Variants in PPM1H observed in about 807,000 individuals in gnomAD.
PPM1H encodes protein phosphatase, Mg2+/Mn2+ dependent 1H.
Under a neutral mutation model 54.9 loss-of-function variants are expected in PPM1H, and 27 were observed. That is an observed-to-expected ratio of 0.49 (90% CI 0.36 to 0.68). The LOEUF is 0.68. PPM1H is among the 30% of genes least tolerant of loss of function. The pLI, the probability that PPM1H is intolerant of heterozygous loss-of-function variation, is 0.00. For synonymous variants in PPM1H, 305 were observed against 270.8 expected (o/e 1.13, Z -1.24); for missense variants, 596 against 667.8 (o/e 0.89, Z 1.19).
intron 5 of PPM1H, among the ~76,000 whole-genome samples, chr12:62,725,410 AGAG>A (rs1457263280): frequency 2.6e-5 from 4 of 152,198 alleles, no homozygotes; most frequent in Admixed American, 6.5e-5. Flanking sequence ...CCCCATATCC[AGAG>A]GAAAGAAACA....
intron 2 of PPM1H, among the ~76,000 whole-genome samples, chr12:62,813,341 G>A (rs11174669): frequency 0.066 from 9,975 of 152,254 alleles, 441 homozygotes; most frequent in Middle Eastern, 0.12. Flanking sequence ...ACATGAATGT[G>A]AGGGGGAATT....
At chr12:62,716,371 G>A (rs2076234607) in intron 6 of PPM1H, among the ~76,000 whole-genome samples, 2 of 152,110 alleles carry the variant, frequency 1.3e-5, no homozygotes, top group South Asian at 2.1e-4. Context: ...TAAGCGTTAG[G>A]TATGAGGAAT....
chr12:62,763,155 C>A (rs1432099049), intron 4 of PPM1H, among the ~76,000 whole-genome samples: 1 of 152,162 alleles, frequency 6.6e-6, no homozygotes, highest in East Asian at 1.9e-4. Context: ...AGCAAATGGT[C>A]TTTTCAGGTC....
At chr12:62,772,142 C>G (rs547371676) in intron 4 of PPM1H, among the ~76,000 whole-genome samples, 9 of 152,318 alleles carry the variant, frequency 5.9e-5, no homozygotes, top group African/African-American at 2.2e-4. Flanking sequence ...TTAATAATGA[C>G]AATAGCTAAC....
intron 4 of PPM1H, among the ~76,000 whole-genome samples, chr12:62,759,212 G>T (rs60906733): frequency 6.6e-6 from 1 of 152,166 alleles, no homozygotes; most frequent in Non-Finnish European, 1.5e-5. Context: ...ATTTGGTGCC[G>T]AAGACTCGGG....
intron 8 of PPM1H, among the ~76,000 whole-genome samples, chr12:62,680,232 C>T (rs1289197028): frequency 6.6e-6 from 1 of 151,880 alleles, no homozygotes; most frequent in African/African-American, 2.4e-5. Context: ...CTTTCTCTCT[C>T]TCTCTCTTTC....
In PPM1H at chr12:62,700,001, T is replaced by A. The variant is rs1276457365; in HGVS notation, c.1074-6002A>T. ...GCTTATAGTTCCTACATCAACCCCA[T>A]CCTTCTAGGCTGAGGCTCTCTCACT... is the stretch of plus-strand genomic sequence containing the variant. On this transcript the variant is annotated intron_variant, in intron 6 of 9. Transcript: ENST00000228705. 2.0e-5 allele frequency among the ~76,000 whole-genome samples: 3 copies of A among 152,198 alleles called. No homozygotes were observed. In the East Asian group the frequency reaches 5.8e-4, roughly 29 times the overall value.
intron 7 of PPM1H, 76 bp downstream of exon 7, chr12:62,693,860 G>A: frequency 7.6e-7 from 1 of 1,320,718 alleles, no homozygotes; most frequent in South Asian, 1.3e-5. Context: ...GGAACACACG[G>A]ACTGCCACGG....
At position 62,907,613 on chromosome 12, in the gene PPM1H, TTTG is replaced by T. The variant is rs200019077; in HGVS notation, c.245+26876_245+26878del. Among the ~76,000 whole-genome samples the T allele has an allele frequency of 2.2e-3, 337 of 152,346 alleles. 8 individuals carry two copies. Among genetic ancestry groups the T allele is most frequent in the Admixed American group, 0.018 (272 of 15,308 alleles). Reference sequence around the variant, plus strand: ...TAAAAATGTTCTAGTCTAAGTCTCCTTTGTTTATCCAGTAAGTACTTGTTACAC... The same window carrying T: ...TAAAAATGTTCTAGTCTAAGTCTCCTTTTATCCAGTAAGTACTTGTTACAC... On this transcript the variant is annotated intron_variant, in intron 1 of 9. Coordinates refer to ENST00000228705, the MANE Select transcript of PPM1H (RefSeq NM_020700.2).
intron 1 of PPM1H, among the ~76,000 whole-genome samples, chr12:62,838,301 C>T (rs2120879215): frequency 7.1e-6 from 1 of 141,006 alleles, no homozygotes; most frequent in East Asian, 2.1e-4. Context: ...TTATATATAA[C>T]TAGGAGGTAG....
intron 9 of PPM1H, among the ~76,000 whole-genome samples, chr12:62,652,069 A>C (rs2075819662): frequency 6.6e-6 from 1 of 152,204 alleles, no homozygotes; most frequent in South Asian, 2.1e-4. Context: ...TTTTACTTCC[A>C]AAGTGGAACA....
At chr12:62,694,036 ACTC>A (rs2076099270) in intron 6 of PPM1H, 37 bp from the exon 7 acceptor site, 1 of 1,573,142 alleles carries the variant, frequency 6.4e-7, no homozygotes, top group African/African-American at 1.3e-5. Flanking sequence ...AAAGGTTTGC[ACTC>A]AATTAGTGAC....
At chr12:62,783,171 G>A (rs143070150) in intron 4 of PPM1H, among the ~76,000 whole-genome samples, 2 of 152,234 alleles carry the variant, frequency 1.3e-5, no homozygotes, top group African/African-American at 2.4e-5. Flanking sequence ...ACTTTGGGAC[G>A]CTTGGAAGGA....
At chr12:62,799,443 A>AATTAC (rs1328124409) in intron 3 of PPM1H, among the ~76,000 whole-genome samples, 12 of 152,316 alleles carry the variant, frequency 7.9e-5, no homozygotes, top group South Asian at 4.1e-4. Flanking sequence ...ATGCAAACTG[A>AATTAC]ATTACATTAC....
At chr12:62,933,443 C>A (rs949737713) in intron 1 of PPM1H, among the ~76,000 whole-genome samples, 4 of 152,014 alleles carry the variant, frequency 2.6e-5, no homozygotes, top group Non-Finnish European at 5.9e-5. Flanking sequence ...AATCAACCAG[C>A]GAGGCCGTGC....
chr12:62,832,315 C>A, intron 1 of PPM1H, 36 bp from the exon 2 acceptor site: 1 of 1,571,198 alleles, frequency 6.4e-7, no homozygotes, highest in Non-Finnish European at 8.6e-7. Context: ...TCAGACAGAC[C>A]GATAAAGCTG....
intron 1 of PPM1H, among the ~76,000 whole-genome samples, chr12:62,931,663 T>G (rs1592676520): frequency 6.6e-6 from 1 of 152,184 alleles, no homozygotes; most frequent in South Asian, 2.1e-4. Context: ...TCAGACTGCC[T>G]GGGTTCACAC....
intron 9 of PPM1H, among the ~76,000 whole-genome samples, chr12:62,649,756 T>G (rs2075805834): frequency 6.6e-6 from 1 of 152,126 alleles, no homozygotes; most frequent in Non-Finnish European, 1.5e-5. Context: ...AGAATATCCA[T>G]CAGTTATATT....
At chr12:62,915,423 A>G (rs952613829) in intron 1 of PPM1H, among the ~76,000 whole-genome samples, 5 of 152,232 alleles carry the variant, frequency 3.3e-5, no homozygotes, top group African/African-American at 1.2e-4. Flanking sequence ...CTTTGGGCAC[A>G]GCTGCAGCAG....
Sources: gnomAD v4.1 joint callset for allele counts (sites outside exome capture counted in the v4.1 genomes callset) on GRCh38, gnomAD v4.1.1 for gene constraint, MANE v1.5 for transcripts, NCBI Gene and HGNC (gene_info 2026-07-23, HGNC 2026-07-21) for gene names.